Variants in EIF4E3 observed in about 807,000 individuals in gnomAD.
EIF4E3 encodes eukaryotic translation initiation factor 4E type 3.
A neutral mutation model predicts 31.7 loss-of-function variants in EIF4E3; 26 were observed. The ratio of observed to expected loss-of-function variants is 0.82; its 90% CI spans 0.60 to 1.14. The LOEUF (loss-of-function observed/expected upper bound fraction) is 1.14, where lower values mean the gene tolerates loss of function less well. EIF4E3 is among the 50% of genes most tolerant of loss of function. EIF4E3 has a pLI of 0.00. For synonymous variants in EIF4E3, 128 were observed against 107.7 expected, an observed-to-expected ratio of 1.19 and a Z score of -1.17; for missense variants, 304 against 270.9, an observed-to-expected ratio of 1.12 and a Z score of -0.86.
chr3:71,716,442 C>G (rs141742846), intron 1 of EIF4E3, among the ~76,000 whole-genome samples: 2,059 of 152,226 alleles, frequency 0.014, 46 homozygotes, highest in African/African-American at 0.047. Flanking sequence ...ACCGTGTTAG[C>G]CAGGATGGTC....
chr3:71,698,123 T>C (rs1248565232), intron 3 of EIF4E3, among the ~76,000 whole-genome samples: 1 of 152,206 alleles, frequency 6.6e-6, no homozygotes, highest in African/African-American at 2.4e-5. Context: ...GGGGTAAGAT[T>C]GGGCATTTTT....
the EIF4E3 span, among the ~76,000 whole-genome samples, chr3:71,667,188 C>T: frequency 8.5e-5 from 13 of 152,068 alleles, no homozygotes; most frequent in Non-Finnish European, 1.5e-4. Context: ...AAAAGGACTT[C>T]GATAAAATTC....
the EIF4E3 span, among the ~76,000 whole-genome samples, chr3:71,662,218 C>T: frequency 6.6e-6 from 1 of 152,162 alleles, no homozygotes; most frequent in African/African-American, 2.4e-5. Flanking sequence ...AACCACTTTC[C>T]ACCAATAAAT....
chr3:71,668,827 T>C, the EIF4E3 span, among the ~76,000 whole-genome samples: 1 of 152,158 alleles, frequency 6.6e-6, no homozygotes, highest in Non-Finnish European at 1.5e-5. Context: ...CATTGTGGAA[T>C]ACAGTGTGGC....
At chr3:71,692,884 C>G (rs2049082896) in intron 5 of EIF4E3, among the ~76,000 whole-genome samples, 1 of 152,144 alleles carries the variant, frequency 6.6e-6, no homozygotes, top group Admixed American at 6.5e-5. Flanking sequence ...CATGGGCCAC[C>G]ACGCCCAGCG....
chr3:71,675,405 A>C (rs1465951840), downstream of EIF4E3: 1 of 152,232 alleles, frequency 6.6e-6, no homozygotes, highest in Non-Finnish European at 1.5e-5. Flanking sequence ...GTGAGACAGA[A>C]AAGCAAGCTT....
chr3:71,721,980 G>A lies in EIF4E3; in HGVS notation c.176+3212C>T, dbSNP rs544492116. Among the ~76,000 whole-genome samples the A allele has an allele frequency of 1.1e-4, 16 of 150,146 alleles. No individual in the cohort carries two copies. In the South Asian group the frequency reaches 2.5e-3, roughly 24 times the overall value. On this transcript the variant is annotated intron_variant, in intron 1 of 6. Transcript: ENST00000425534. Reference sequence around the variant, plus strand: ...AAGGCGAAAGAGCAAGGGGACCGATGAGCAGAAAGAAGGGCATGGCAGAAG... The same window carrying A: ...AAGGCGAAAGAGCAAGGGGACCGATAAGCAGAAAGAAGGGCATGGCAGAAG...
rs1205822440 is a variant in EIF4E3, at chr3:71,683,093, G to T, written c.*1589C>A. 1 of 144,378 alleles carries T rather than the reference G, an allele frequency of 6.9e-6. No individual in the cohort carries two copies. Among genetic ancestry groups the T allele is most frequent in the Admixed American group, 6.9e-5 (1 of 14,406 alleles). The allele number at this position is 144,378 out of a possible 1,614,324, so 8.9% of individuals were successfully genotyped here. ...ATCACTAAGGAAACTCAAGTTTAGG[G>T]AAAAAAAAAAAGCATTTTAAGAAAC... On this transcript the variant is annotated 3_prime_UTR_variant, in exon 7 of 7. Coordinates refer to ENST00000425534, the MANE Select transcript of EIF4E3 (RefSeq NM_001134651.2).
intron 2 of EIF4E3, among the ~76,000 whole-genome samples, chr3:71,701,385 G>A (rs750457424): frequency 2.6e-5 from 4 of 152,162 alleles, no homozygotes; most frequent in African/African-American, 9.7e-5. Flanking sequence ...AGGCAGAGAC[G>A]AACCTGCCCA....
At chr3:71,690,693 T>C (rs906400786) in intron 5 of EIF4E3, among the ~76,000 whole-genome samples, 3 of 152,210 alleles carry the variant, frequency 2.0e-5, no homozygotes, top group Non-Finnish European at 2.9e-5. Context: ...CGACTGCTCA[T>C]CTGCTTTCTG....
chr3:71,673,546 T>C (rs1026220118), downstream of EIF4E3, among the ~76,000 whole-genome samples: 13 of 152,216 alleles, frequency 8.5e-5, no homozygotes, highest in East Asian at 2.5e-3. Context: ...AAGGGGTTTT[T>C]GACTTAAAAA....
At chr3:71,660,064 G>T in the EIF4E3 span, among the ~76,000 whole-genome samples, 1 of 152,192 alleles carries the variant, frequency 6.6e-6, no homozygotes, top group South Asian at 2.1e-4. Flanking sequence ...AAATGCCCAG[G>T]CAGTCAGTAT....
At chr3:71,694,008 G>T in intron 4 of EIF4E3, 67 bp from the exon 5 acceptor site, 1 of 1,425,744 alleles carries the variant, frequency 7.0e-7, no homozygotes, top group Non-Finnish European at 9.3e-7. Flanking sequence ...ATTATCCTCA[G>T]GAGCTAAACA....
rs553554643 is a variant in EIF4E3 at position 71,706,612 on chromosome 3, T to A, written c.249+3800A>T. Reference sequence around the variant, plus strand: ...AGGGAACACAGCTTGAGGTCAGAAATTCGAGACTAGCCTGAGCAACATAGC... The same window carrying A: ...AGGGAACACAGCTTGAGGTCAGAAAATCGAGACTAGCCTGAGCAACATAGC... On this transcript the variant is annotated intron_variant, in intron 2 of 6. Coordinates refer to ENST00000425534, the MANE Select transcript of EIF4E3 (RefSeq NM_001134651.2). Among the ~76,000 whole-genome samples, 3 of 152,070 alleles carry A rather than the reference T, an allele frequency of 2.0e-5. No homozygotes were observed. The East Asian group carries it at 5.8e-4, about 29-fold the overall frequency.
rs983089130 is a variant in EIF4E3 at position 71,676,186 on chromosome 3, A to T, written c.*8496T>A. ...TCATTTTGCACTCATCATTTAAAAGACTTACAAATAAGTTTTCTGAACCAA... is the reference window on the plus strand; with the variant it reads ...TCATTTTGCACTCATCATTTAAAAGTCTTACAAATAAGTTTTCTGAACCAA... On this transcript the variant is annotated 3_prime_UTR_variant, in exon 7 of 7. Coordinates refer to ENST00000425534, the MANE Select transcript of EIF4E3 (RefSeq NM_001134651.2). 3.3e-5 allele frequency: 5 copies of T among 152,236 alleles called. No homozygotes were observed. The highest frequency in any genetic ancestry group is 7.3e-5 in the Non-Finnish European group (5 of 68,040). The allele number at this position is 152,236 out of a possible 1,614,324, so 9.4% of individuals were successfully genotyped here. A position where few individuals can be genotyped will look rare whatever the true frequency, so the allele number is the denominator to read the frequency against.
upstream of EIF4E3, among the ~76,000 whole-genome samples, chr3:71,727,191 C>CTCCT (rs1191152135): frequency 6.6e-6 from 1 of 152,180 alleles, no homozygotes; most frequent in African/African-American, 2.4e-5. Flanking sequence ...AATAGTAGGT[C>CTCCT]TCCCTCCCTC....
At chr3:71,675,048 T>C (rs1429875822), downstream of EIF4E3, among the ~76,000 whole-genome samples, 1 of 152,214 alleles carries the variant, frequency 6.6e-6, no homozygotes. Context: ...TCCTACGGTC[T>C]CCCTGTACTC....
At chr3:71,696,660 GT>G in intron 3 of EIF4E3, 140 bp from the exon 4 acceptor site, 1 of 930,350 alleles carries the variant, frequency 1.1e-6, no homozygotes, top group Non-Finnish European at 1.6e-6. Flanking sequence ...TCTTATTTTT[GT>G]TTTTTATTTT....
chr3:71,711,949 C>T (rs1214211257), intron 1 of EIF4E3, among the ~76,000 whole-genome samples: 2 of 152,152 alleles, frequency 1.3e-5, no homozygotes, highest in African/African-American at 4.8e-5. Context: ...GGCCACTGTA[C>T]TCCAGCCCGG....
Sources: allele counts gnomAD v4.1 joint callset (sites outside exome capture counted in the v4.1 genomes callset), GRCh38; gene constraint gnomAD v4.1.1; transcripts MANE v1.5; gene names NCBI Gene and HGNC (gene_info 2026-07-23, HGNC 2026-07-21).